The following PPP4R3A variants were observed in gnomAD, a reference collection of about 807,000 sequenced individuals.
PPP4R3A encodes serine/threonine-protein phosphatase 4 regulatory subunit 3A.
PPP4R3A carries 15 observed loss-of-function variants against 91.7 expected under a neutral mutation model. The ratio of observed to expected loss-of-function variants is 0.16; its 90% CI spans 0.11 to 0.25. The LOEUF is 0.25. PPP4R3A is among the 10% of genes least tolerant of loss of function. The pLI is 1.00. For missense variants in PPP4R3A, 623 were observed against 998.4 expected (o/e 0.62, Z 5.07); for synonymous variants, 377 against 348.7 (o/e 1.08, Z -0.91).
At chr14:91,503,934 T>C (rs1412603899) in intron 1 of PPP4R3A, among the ~76,000 whole-genome samples, 1 of 152,124 alleles carries the variant, frequency 6.6e-6, no homozygotes. Flanking sequence ...TAAGGTAATC[T>C]ATCTTCCTTA....
chr14:91,461,724 G>T, intron 13 of PPP4R3A, 117 bp from the exon 14 acceptor site: 1 of 1,056,100 alleles, frequency 9.5e-7, no homozygotes, highest in Non-Finnish European at 1.3e-6. Flanking sequence ...AAACATTGAA[G>T]TTCAATTTAT....
rs777739532 is a variant in PPP4R3A at position 91,465,309 on chromosome 14, C to G, written c.1771G>C (p.Gly591Arg). The stretch of plus-strand genomic sequence containing the variant: ...GAGTTCATCAGATTGTAGCGGGATC[C>G]ATTGTTGAGAAATGCTTTCACTACT... ...EPVVKAFLNN[G>R]SRYNLMNSAI... The change falls in exon 11 of 15, where the codon GGA becomes CGA. Residue 591 changes from glycine (G) to arginine (R), a missense_variant. Gly to Arg is a moderately radical substitution (Grantham distance 125, BLOSUM62 -2). Transcript: ENST00000554943. The G allele has an allele frequency of 2.5e-6, 4 of 1,608,514 alleles. No homozygotes were observed. The East Asian group carries it at 9.0e-5, about 36-fold the overall frequency.
At chr14:91,487,988 C>T (rs745672327) in intron 2 of PPP4R3A, among the ~76,000 whole-genome samples, 6 of 152,212 alleles carry the variant, frequency 3.9e-5, no homozygotes, top group Admixed American at 2.0e-4. Flanking sequence ...CAACCCCAGC[C>T]AAGAACACTT....
At position 91,465,240 on chromosome 14, in the gene PPP4R3A, C is replaced by A; in HGVS notation, c.1830+10G>T. 1 of 1,498,526 alleles carries A rather than the reference C, an allele frequency of 6.7e-7. No homozygotes were observed. The highest frequency in any genetic ancestry group is 8.9e-7 in the Non-Finnish European group (1 of 1,126,148). 92.8% of individuals were successfully genotyped at this position (1,498,526 alleles called of 1,614,324 possible). A position where few individuals can be genotyped will look rare whatever the true frequency, so the allele number is the denominator to read the frequency against. ...AAAATGAAAATTCTAATTAAAAATA[C>A]AGAACCTACCACTCTAATAAATTCA... On this transcript the variant is annotated intron_variant, in intron 11 of 14. Transcript: ENST00000554943.
At chr14:91,479,572 T>C (rs1277859128) in intron 4 of PPP4R3A, among the ~76,000 whole-genome samples, 4 of 151,980 alleles carry the variant, frequency 2.6e-5, no homozygotes. Context: ...AGACAGAATT[T>C]CACTCCTGTT....
chr14:91,493,964 A>G (rs1440065119), intron 1 of PPP4R3A, among the ~76,000 whole-genome samples: 2 of 150,048 alleles, frequency 1.3e-5, no homozygotes, highest in Non-Finnish European at 2.9e-5. Flanking sequence ...GGGTTTCTCC[A>G]TGTTGGTCAG....
Position 91,465,391 on chromosome 14 carries a change from A to G in PPP4R3A, c.1689T>C (p.Ile563=), listed in dbSNP as rs773840395. The G allele has an allele frequency of 6.3e-7, 1 of 1,596,260 alleles. No homozygotes were observed. The highest frequency in any genetic ancestry group is 8.5e-7 in the Non-Finnish European group (1 of 1,175,126). ...GGTTGTAAAACTCATCTTTTAATCC[A>G]ATAATCTTTCTTTTAAAACGAAGGG... ...LCALRFKRKI[I]GLKDEFYNRY... The change falls in exon 11 of 15, where the codon ATT becomes ATC. Residue 563 remains isoleucine, a synonymous_variant. Transcript: ENST00000554943.
chr14:91,507,864 G>C (rs1422260235), intron 1 of PPP4R3A, among the ~76,000 whole-genome samples: 1 of 152,014 alleles, frequency 6.6e-6, no homozygotes, highest in Non-Finnish European at 1.5e-5. Flanking sequence ...GGTCATGCCT[G>C]TAATCCTAAT....
At position 91,493,722 on chromosome 14, in the gene PPP4R3A, A is replaced by C. The variant is rs192833412; in HGVS notation, c.143-2920T>G. The stretch of plus-strand genomic sequence containing the variant: ...ACTAGAATAAAAATTGCATTCTATT[A>C]TTCTCCACGGAAATCATAAAGTATA... On this transcript the variant is annotated intron_variant, in intron 1 of 14. Coordinates refer to ENST00000554943, the MANE Select transcript of PPP4R3A (RefSeq NM_001366432.2). Among the ~76,000 whole-genome samples, 278 of 150,478 alleles carry C rather than the reference A, an allele frequency of 1.8e-3. 20 individuals carry two copies. Among genetic ancestry groups the C allele is most frequent in the African/African-American group, 6.7e-3 (270 of 40,040 alleles).
chr14:91,501,868 CTAAT>C (rs1890983271), intron 1 of PPP4R3A, among the ~76,000 whole-genome samples: 1 of 120,548 alleles, frequency 8.3e-6, no homozygotes, highest in Non-Finnish European at 1.7e-5. Flanking sequence ...CCAAGCCCGG[CTAAT>C]TTTTTTTTTT....
intron 14 of PPP4R3A, among the ~76,000 whole-genome samples, chr14:91,459,587 G>A (rs575442080): frequency 1.3e-5 from 2 of 152,206 alleles, no homozygotes; most frequent in South Asian, 4.2e-4. Context: ...AGCACTTTGG[G>A]AGGCTGAGGC....
chr14:91,496,964 C>T (rs1339004787), intron 1 of PPP4R3A, among the ~76,000 whole-genome samples: 1 of 152,050 alleles, frequency 6.6e-6, no homozygotes, highest in Non-Finnish European at 1.5e-5. Flanking sequence ...TAACACAATC[C>T]TTACCCCCAA....
chr14:91,476,571 T>G (rs1889221526), intron 5 of PPP4R3A, 47 bp from the exon 6 acceptor site: 1 of 1,318,568 alleles, frequency 7.6e-7, no homozygotes. Context: ...TTATTTTATT[T>G]ATTTATTTAT....
chr14:91,507,652 GA>G (rs968624581), intron 1 of PPP4R3A, among the ~76,000 whole-genome samples: 8 of 142,984 alleles, frequency 5.6e-5, no homozygotes, highest in African/African-American at 1.8e-4. Context: ...TATATACACG[GA>G]AAAAAATTGC....
At chr14:91,507,803 G>C (rs1891507006) in intron 1 of PPP4R3A, among the ~76,000 whole-genome samples, 1 of 151,426 alleles carries the variant, frequency 6.6e-6, no homozygotes, top group African/African-American at 2.4e-5. Context: ...TTTTTAATAT[G>C]GATTTCAATA....
intron 10 of PPP4R3A, among the ~76,000 whole-genome samples, chr14:91,469,593 CAG>C (rs1446305726): frequency 1.3e-5 from 2 of 152,154 alleles, no homozygotes; most frequent in African/African-American, 4.8e-5. Context: ...GGTGGGGAGA[CAG>C]TGTCTCTCTG....
intron 1 of PPP4R3A, among the ~76,000 whole-genome samples, chr14:91,494,516 G>A (rs1890421813): frequency 6.6e-6 from 1 of 152,144 alleles, no homozygotes; most frequent in Non-Finnish European, 1.5e-5. Context: ...CAAAAAACTA[G>A]TAAGCATATG....
intron 1 of PPP4R3A, among the ~76,000 whole-genome samples, chr14:91,504,427 CCTCGT>C (rs1891156465): frequency 6.6e-6 from 1 of 151,444 alleles, no homozygotes; most frequent in Non-Finnish European, 1.5e-5. Flanking sequence ...CATGGTGAAA[CCTCGT>C]CTCTACTAAA....
At position 91,458,434 on chromosome 14, in the gene PPP4R3A, T is replaced by C. The variant is rs1415641902; in HGVS notation, c.*325A>G. ...CATGGTCCAAGAAAGCATATTCTGA[T>C]TGTAGCAACTGACCAGTCAATCCAG... is the stretch of plus-strand genomic sequence containing the variant. On this transcript the variant is annotated 3_prime_UTR_variant, in exon 15 of 15. Coordinates refer to ENST00000554943, the MANE Select transcript of PPP4R3A (RefSeq NM_001366432.2). 8.0e-6 allele frequency: 3 copies of C among 376,528 alleles called. No individual in the cohort carries two copies. Among genetic ancestry groups the C allele is most frequent in the African/African-American group, 6.2e-5 (3 of 48,322 alleles). 23.3% of individuals were successfully genotyped at this position (376,528 alleles called of 1,614,324 possible). A position where few individuals can be genotyped will look rare whatever the true frequency, so the allele number is the denominator to read the frequency against.
Sources: allele counts gnomAD v4.1 joint callset (sites outside exome capture counted in the v4.1 genomes callset), GRCh38; gene constraint gnomAD v4.1.1; transcripts MANE v1.5; gene names NCBI Gene and HGNC (gene_info 2026-07-23, HGNC 2026-07-21).